Variants in RNF6 observed in about 807,000 individuals in gnomAD.
The protein encoded by RNF6 is E3 ubiquitin-protein ligase RNF6.
A neutral mutation model predicts 50.1 loss-of-function variants in RNF6; 21 were observed. The observed-to-expected ratio is 0.42, with a 90% confidence interval of 0.30 to 0.60. RNF6 has a LOEUF of 0.60. Among genes scored for constraint, RNF6 ranks in the 20% least tolerant of loss-of-function variants. The probability of loss-of-function intolerance (pLI) is 0.20; values close to 1 mark genes in which losing one functional copy is unlikely to be tolerated. For missense variants in RNF6, 698 were observed against 838.2 expected, an observed-to-expected ratio of 0.83 and a Z score of 2.07; for synonymous variants, 255 against 291.8, an observed-to-expected ratio of 0.87 and a Z score of 1.29.
intron 5 of RNF6, among the ~76,000 whole-genome samples, chr13:26,174,917 G>C (rs908032643): frequency 2.6e-5 from 4 of 152,066 alleles, no homozygotes; most frequent in African/African-American, 9.7e-5. Flanking sequence ...CCACTCTAAC[G>C]GCCTCGGTTG....
chr13:26,155,054 A>T, intron 5 of RNF6, among the ~76,000 whole-genome samples: 1 of 151,860 alleles, frequency 6.6e-6, no homozygotes. Context: ...ACAAAAAAAA[A>T]ACTCCTAATC....
chr13:26,188,770 C>T (rs1450120633), intron 5 of RNF6, among the ~76,000 whole-genome samples: 1 of 151,442 alleles, frequency 6.6e-6, no homozygotes, highest in Non-Finnish European at 1.5e-5. Context: ...GCTGGGACTA[C>T]AGGCACATGC....
At chr13:26,163,496 A>C (rs2137615039) in intron 5 of RNF6, among the ~76,000 whole-genome samples, 1 of 152,344 alleles carries the variant, frequency 6.6e-6, no homozygotes, top group South Asian at 2.1e-4. Context: ...TATAAGCTAT[A>C]CGTACCCTAC....
chr13:26,210,008 G>A (rs924739445), downstream of RNF6, among the ~76,000 whole-genome samples: 1 of 152,026 alleles, frequency 6.6e-6, no homozygotes, highest in African/African-American at 2.4e-5. Flanking sequence ...GATCAAAAGG[G>A]CAAATATATT....
At chr13:26,148,632 T>TATATATATA (rs1427060316) in intron 5 of RNF6, among the ~76,000 whole-genome samples, 4 of 47,066 alleles carry the variant, frequency 8.5e-5, no homozygotes, top group South Asian at 1.3e-3. Context: ...ATAAATCTCT[T>TATATATATA]TATATATATA....
chr13:26,158,638 A>C (rs1872059289), intron 5 of RNF6, among the ~76,000 whole-genome samples: 1 of 152,156 alleles, frequency 6.6e-6, no homozygotes, highest in South Asian at 2.1e-4. Context: ...TGAGTGATAA[A>C]AACAGGTTTT....
chr13:26,149,273 A>G (rs1278108492), intron 5 of RNF6: 4 of 152,154 alleles, frequency 2.6e-5, no homozygotes, highest in African/African-American at 9.7e-5. Context: ...GTAATACAAG[A>G]CGTACTAGGT....
At chr13:26,216,508 C>T (rs765559710) in intron 4 of RNF6, among the ~76,000 whole-genome samples, 1 of 152,028 alleles carries the variant, frequency 6.6e-6, no homozygotes. Context: ...AAATGTGTCA[C>T]CCATAAACTT....
intron 5 of RNF6, among the ~76,000 whole-genome samples, chr13:26,143,939 G>C (rs574434024): frequency 6.6e-6 from 1 of 152,158 alleles, no homozygotes; most frequent in Non-Finnish European, 1.5e-5. Flanking sequence ...TTTGGCAGAA[G>C]CATTGTTTAC....
Position 26,213,812 on chromosome 13 carries a change from G to C in RNF6, c.*12C>G. The C allele has an allele frequency of 6.3e-7, 1 of 1,579,874 alleles. No homozygotes were observed. Among genetic ancestry groups the C allele is most frequent in the Non-Finnish European group, 8.6e-7 (1 of 1,160,698 alleles). On this transcript the variant is annotated 3_prime_UTR_variant, in exon 5 of 5. Coordinates refer to ENST00000381588, the MANE Select transcript of RNF6 (RefSeq NM_005977.4). ...TCTACTAAAAAACAGTATTTGAGTA[G>C]ATCCCATCACCTTACCCATTGTTTG... is the stretch of plus-strand genomic sequence containing the variant.
chr13:26,219,336 AAAC>A (rs1012327263), intron 3 of RNF6, 118 bp downstream of exon 3: 38 of 863,442 alleles, frequency 4.4e-5, no homozygotes, highest in Non-Finnish European at 5.7e-5. Context: ...AAACTCACAA[AAAC>A]AATATACTAT....
chr13:26,167,367 C>G (rs1872501458), intron 5 of RNF6, among the ~76,000 whole-genome samples: 1 of 152,064 alleles, frequency 6.6e-6, no homozygotes, highest in South Asian at 2.1e-4. Flanking sequence ...AAAAAACAAA[C>G]AACCCCATTA....
chr13:26,136,274 G>A (rs1870640700), intron 5 of RNF6, among the ~76,000 whole-genome samples: 1 of 152,162 alleles, frequency 6.6e-6, no homozygotes, highest in Non-Finnish European at 1.5e-5. Context: ...AAGAGAAATT[G>A]CTGAGGATGA....
Position 26,135,931 on chromosome 13 carries a change from G to A in RNF6, n.769-3480C>T, listed in dbSNP as rs572100197. On this transcript the variant is annotated intron_variant and non_coding_transcript_variant, in intron 5 of 5. Coordinates refer to the RNF6 transcript ENST00000468480. ...ACCATGTGATATGCTGGCTCCCCTT[G>A]GCCTTCCACTGTGATCATAAGTTTC... 4.6e-5 allele frequency among the ~76,000 whole-genome samples: 7 copies of A among 152,236 alleles called. No individual in the cohort carries two copies. The South Asian group carries it at 1.5e-3, about 32-fold the overall frequency.
chr13:26,173,570 CAG>C (rs1872804667), intron 5 of RNF6, among the ~76,000 whole-genome samples: 1 of 151,874 alleles, frequency 6.6e-6, no homozygotes, highest in Admixed American at 6.6e-5. Context: ...GCCTAAAAAA[CAG>C]ATGAAAATCA....
At chr13:26,188,821 G>A (rs1040576523) in intron 5 of RNF6, among the ~76,000 whole-genome samples, 3 of 151,340 alleles carry the variant, frequency 2.0e-5, no homozygotes, top group African/African-American at 7.3e-5. Context: ...GTAGAGATGA[G>A]GTTTCAACAT....
At chr13:26,219,223 T>G in intron 3 of RNF6, 1 of 383,310 alleles carries the variant, frequency 2.6e-6, no homozygotes, top group Non-Finnish European at 4.6e-6. Flanking sequence ...ATTAACCTGT[T>G]TCTTAGTTTG....
rs141810433 is a variant in RNF6, at chr13:26,220,591, T to A, written c.-19+657A>T. ...TCTCAAACTCACTTAAGGGTATTTT[T>A]AAAAATCTAGATGCCCAAATCTCAT... On this transcript the variant is annotated intron_variant, in intron 2 of 4. Coordinates refer to ENST00000381588, the MANE Select transcript of RNF6 (RefSeq NM_005977.4). 1.6e-3 allele frequency among the ~76,000 whole-genome samples: 243 copies of A among 152,354 alleles called. 1 individual carries two copies. The highest frequency in any genetic ancestry group is 5.7e-3 in the African/African-American group (236 of 41,592).
chr13:26,180,357 T>G (rs1247769526), intron 5 of RNF6, among the ~76,000 whole-genome samples: 1 of 152,134 alleles, frequency 6.6e-6, no homozygotes, highest in African/African-American at 2.4e-5. Context: ...GTGTGGGGCC[T>G]TTCCAGTTTA....
Sources: gnomAD v4.1 joint callset for allele counts (sites outside exome capture counted in the v4.1 genomes callset) on GRCh38, gnomAD v4.1.1 for gene constraint, MANE v1.5 for transcripts, NCBI Gene and HGNC (gene_info 2026-07-23, HGNC 2026-07-21) for gene names.